KSR2: variants seen among roughly 807,000 people sequenced by gnomAD.
KSR2 encodes the protein kinase suppressor of ras 2.
A neutral mutation model predicts 107.8 loss-of-function variants in KSR2; 25 were observed. That is an observed-to-expected ratio of 0.23 (90% CI 0.17 to 0.32). The LOEUF (loss-of-function observed/expected upper bound fraction) is 0.32, where lower values mean the gene tolerates loss of function less well. KSR2 is among the 10% of genes least tolerant of loss of function. The probability of loss-of-function intolerance (pLI) is 1.00; values close to 1 mark genes in which losing one functional copy is unlikely to be tolerated. For missense variants in KSR2, 887 were observed against 1,268.9 expected, an observed-to-expected ratio of 0.70 and a Z score of 4.57; for synonymous variants, 480 against 507.0, an observed-to-expected ratio of 0.95 and a Z score of 0.71.
rs1347133440 is a variant in KSR2, at chr12:117,942,546, T to C, written c.180+25530A>G. 7.3e-5 allele frequency among the ~76,000 whole-genome samples: 11 copies of C among 150,946 alleles called. No homozygotes were observed. In the East Asian group the frequency reaches 1.9e-3, roughly 27 times the overall value. ...CTCTGTCACCCAGGCTGGAGTGTAG[T>C]AGTGGGATCATGGCTCACTGCTGCC... On this transcript the variant is annotated intron_variant, in intron 1 of 19. Transcript: ENST00000339824.
intron 3 of KSR2, among the ~76,000 whole-genome samples, chr12:117,772,465 T>C (rs1593221871): frequency 8.8e-6 from 1 of 113,754 alleles, no homozygotes; most frequent in Non-Finnish European, 1.8e-5. Context: ...ATACACACCA[T>C]TCCCCCAAAG....
At chr12:117,764,405 A>T (rs1287448377) in intron 3 of KSR2, among the ~76,000 whole-genome samples, 2 of 152,186 alleles carry the variant, frequency 1.3e-5, no homozygotes, top group Non-Finnish European at 2.9e-5. Context: ...AAGGAAACTG[A>T]TGCAAAGAGA....
At position 117,632,524 on chromosome 12, in the gene KSR2, C is replaced by A. The variant is rs61023539; in HGVS notation, c.1171+34950G>T. Among the ~76,000 whole-genome samples, 226 of 152,188 alleles carry A rather than the reference C, an allele frequency of 1.5e-3. 1 individual carries two copies. The highest frequency in any genetic ancestry group is 5.2e-3 in the African/African-American group (217 of 41,530). ...TACAGGCATGAGCCACCATGCCCTGCCACCTACTCCTTTTTCTAGCTTTGA... is the reference window on the plus strand; with the variant it reads ...TACAGGCATGAGCCACCATGCCCTGACACCTACTCCTTTTTCTAGCTTTGA... On this transcript the variant is annotated intron_variant, in intron 5 of 19. Transcript: ENST00000339824.
chr12:117,968,886 C>T lies in KSR2; in HGVS notation c.-631G>A, dbSNP rs1486695013. Reference sequence around the variant, plus strand: ...CTACTGCGGCTGGCTGCTGTCTCCTCCCCGCGCTGCTGCTGCTGCTGCTGC... The same window carrying T: ...CTACTGCGGCTGGCTGCTGTCTCCTTCCCGCGCTGCTGCTGCTGCTGCTGC... On this transcript the variant is annotated 5_prime_UTR_variant, in exon 1 of 20. Transcript: ENST00000339824. 8.0e-6 allele frequency: 2 copies of T among 249,974 alleles called. No homozygotes were observed. The highest frequency in any genetic ancestry group is 2.4e-5 in the African/African-American group (1 of 42,466). 15.5% of individuals were successfully genotyped at this position (249,974 alleles called of 1,614,324 possible).
intron 4 of KSR2, among the ~76,000 whole-genome samples, chr12:117,733,436 C>G (rs571128020): frequency 1.3e-5 from 2 of 152,180 alleles, no homozygotes; most frequent in African/African-American, 4.8e-5. Context: ...CAGGGGTCAG[C>G]GTATTTCAGC....
intron 5 of KSR2, among the ~76,000 whole-genome samples, chr12:117,630,890 T>C (rs1472028729): frequency 6.6e-6 from 1 of 152,004 alleles, no homozygotes; most frequent in Non-Finnish European, 1.5e-5. Flanking sequence ...TAAAGGACAA[T>C]GGTACTGTTT....
intron 4 of KSR2, among the ~76,000 whole-genome samples, chr12:117,703,855 C>G (rs1565970222): frequency 1.3e-5 from 2 of 152,318 alleles, no homozygotes; most frequent in South Asian, 4.1e-4. Context: ...AAATTACCCC[C>G]TCTCCATGCA....
chr12:117,920,985 T>A (rs1225586119), intron 1 of KSR2, among the ~76,000 whole-genome samples: 1 of 152,186 alleles, frequency 6.6e-6, no homozygotes, highest in African/African-American at 2.4e-5. Context: ...TTCTTAGTCT[T>A]GATACTAGTA....
intron 5 of KSR2, among the ~76,000 whole-genome samples, chr12:117,592,513 G>A (rs1389060253): frequency 6.6e-6 from 1 of 152,152 alleles, no homozygotes; most frequent in Non-Finnish European, 1.5e-5. Context: ...AATCAAATGT[G>A]TGGACAGTGA....
chr12:117,645,004 G>A (rs928936521), intron 5 of KSR2, among the ~76,000 whole-genome samples: 3 of 152,222 alleles, frequency 2.0e-5, no homozygotes, highest in Non-Finnish European at 4.4e-5. Flanking sequence ...GGCTTCAAGA[G>A]TGGACCAATA....
chr12:117,740,688 CAT>C (rs1346654217), intron 4 of KSR2, among the ~76,000 whole-genome samples: 1 of 142,668 alleles, frequency 7.0e-6, no homozygotes, highest in African/African-American at 2.6e-5. Context: ...TATACACACA[CAT>C]ATACACCACA....
At chr12:117,904,826 C>T (rs146685396) in intron 1 of KSR2, among the ~76,000 whole-genome samples, 23 of 152,296 alleles carry the variant, frequency 1.5e-4, no homozygotes, top group African/African-American at 5.5e-4. Context: ...TGCACACCGT[C>T]CTTCTGACCT....
chr12:117,850,527 A>T (rs1892880415), intron 3 of KSR2, among the ~76,000 whole-genome samples: 1 of 152,180 alleles, frequency 6.6e-6, no homozygotes, highest in Non-Finnish European at 1.5e-5. Flanking sequence ...AAACCCTGGG[A>T]TGTTTTCCAA....
intron 5 of KSR2, among the ~76,000 whole-genome samples, chr12:117,632,946 G>T (rs995044403): frequency 6.6e-6 from 1 of 152,158 alleles, no homozygotes; most frequent in African/African-American, 2.4e-5. Flanking sequence ...CTGCTGATGG[G>T]CATTGAGGTG....
At chr12:117,941,741 C>A (rs759476381) in intron 1 of KSR2, among the ~76,000 whole-genome samples, 75 of 146,248 alleles carry the variant, frequency 5.1e-4, no homozygotes, top group South Asian at 1.5e-3. Context: ...ATTCTCGTGC[C>A]TCAACCTCCC....
At chr12:117,660,982 C>T (rs1238703341) in intron 5 of KSR2, among the ~76,000 whole-genome samples, 1 of 152,178 alleles carries the variant, frequency 6.6e-6, no homozygotes, top group Non-Finnish European at 1.5e-5. Context: ...CACAGAAGGA[C>T]CTTAAGTCTC....
At chr12:117,588,746 T>G (rs148763329) in intron 5 of KSR2, among the ~76,000 whole-genome samples, 57 of 152,242 alleles carry the variant, frequency 3.7e-4, no homozygotes, top group African/African-American at 1.3e-3. Context: ...CAAATTGAGG[T>G]AGATGTGGGA....
intron 14 of KSR2, among the ~76,000 whole-genome samples, chr12:117,522,949 T>C (rs2137230275): frequency 6.6e-6 from 1 of 152,276 alleles, no homozygotes; most frequent in Middle Eastern, 3.4e-3. Flanking sequence ...CAGCAAAAGC[T>C]TAAACTCAGA....
At chr12:117,730,639 C>T (rs1428299295) in intron 4 of KSR2, among the ~76,000 whole-genome samples, 2 of 152,136 alleles carry the variant, frequency 1.3e-5, no homozygotes, top group African/African-American at 2.4e-5. Context: ...CTGCCGAGTG[C>T]CTGGGATTGC....
Sources: allele counts gnomAD v4.1 joint callset (sites outside exome capture counted in the v4.1 genomes callset), GRCh38; gene constraint gnomAD v4.1.1; transcripts MANE v1.5; gene names NCBI Gene and HGNC (gene_info 2026-07-23, HGNC 2026-07-21).